Variants in CSTF3 observed in about 807,000 individuals in gnomAD.
CSTF3 encodes CF-1 77 kDa subunit.
Under a neutral mutation model 105.8 loss-of-function variants are expected in CSTF3, and 29 were observed. The observed-to-expected ratio is 0.27, with a 90% CI of 0.20 to 0.37. The LOEUF (loss-of-function observed/expected upper bound fraction) is 0.37, where lower values mean the gene tolerates loss of function less well. Among genes scored for constraint, CSTF3 ranks in the 10% least tolerant of loss-of-function variants. The pLI is 1.00. For synonymous variants in CSTF3, 252 were observed against 281.9 expected (o/e 0.89, Z 1.06); for missense variants, 357 against 879.3 (o/e 0.41, Z 7.51).
chr11:33,135,702 T>C (rs969752047), intron 3 of CSTF3, among the ~76,000 whole-genome samples: 4 of 152,162 alleles, frequency 2.6e-5, no homozygotes, highest in East Asian at 3.8e-4. Context: ...ACAGTAGTCA[T>C]AGTCTGGTGA....
At chr11:33,133,174 A>G (rs920934233) in intron 3 of CSTF3, among the ~76,000 whole-genome samples, 3 of 152,216 alleles carry the variant, frequency 2.0e-5, no homozygotes, top group African/African-American at 7.2e-5. Context: ...GTTTTCAAAC[A>G]CAATAAAGTT....
intron 17 of CSTF3, among the ~76,000 whole-genome samples, chr11:33,089,563 C>T (rs369718374): frequency 2.2e-4 from 33 of 152,274 alleles, no homozygotes; most frequent in African/African-American, 7.7e-4. Context: ...GTAGTTAAAA[C>T]TAGAAGCAGA....
chr11:33,097,307 T>C (rs1855232201), intron 13 of CSTF3, among the ~76,000 whole-genome samples: 2 of 152,166 alleles, frequency 1.3e-5, no homozygotes, highest in Non-Finnish European at 1.5e-5. Context: ...TAGAACATAC[T>C]CCATTAATGA....
chr11:33,136,071 T>A (rs889127411), intron 3 of CSTF3: 3 of 152,454 alleles, frequency 2.0e-5, no homozygotes, highest in African/African-American at 7.2e-5. Flanking sequence ...AAATAGAAAA[T>A]TTTTCTTTGG....
intron 5 of CSTF3, among the ~76,000 whole-genome samples, chr11:33,106,592 T>C (rs1359835026): frequency 1.3e-5 from 2 of 152,028 alleles, no homozygotes; most frequent in East Asian, 1.9e-4. Context: ...AATGTATATA[T>C]AACTAAAATG....
chr11:33,135,838 A>G (rs1486709437), intron 3 of CSTF3, among the ~76,000 whole-genome samples: 4 of 152,148 alleles, frequency 2.6e-5, no homozygotes, highest in Non-Finnish European at 5.9e-5. Flanking sequence ...TCAACAGTAC[A>G]TGCTAGAGCT....
chr11:33,161,174 C>T, intron 1 of CSTF3, 125 bp downstream of exon 1: 2 of 986,632 alleles, frequency 2.0e-6, no homozygotes, highest in Non-Finnish European at 3.1e-6. Context: ...CACCACTCTT[C>T]TATATACCCT....
At chr11:33,121,221 T>C (rs953275219) in intron 3 of CSTF3, among the ~76,000 whole-genome samples, 2 of 152,062 alleles carry the variant, frequency 1.3e-5, no homozygotes, top group Non-Finnish European at 2.9e-5. Flanking sequence ...CAGGTAAATA[T>C]TAAGTTCCAG....
intron 3 of CSTF3, among the ~76,000 whole-genome samples, chr11:33,120,424 A>C (rs111737230): frequency 1.3e-5 from 2 of 151,852 alleles, no homozygotes; most frequent in African/African-American, 4.8e-5. Flanking sequence ...CTTTTAAATA[A>C]GAAAAATGTT....
chr11:33,087,512 A>G (rs1855118084), intron 17 of CSTF3, among the ~76,000 whole-genome samples: 1 of 152,262 alleles, frequency 6.6e-6, no homozygotes, highest in Non-Finnish European at 1.5e-5. Flanking sequence ...CCCTTCCATT[A>G]GAATTGAACA....
chr11:33,154,991 A>G (rs1849842808), intron 1 of CSTF3, among the ~76,000 whole-genome samples: 1 of 152,118 alleles, frequency 6.6e-6, no homozygotes, highest in Admixed American at 6.6e-5. Context: ...ATCCTACAAT[A>G]CAAAACTAAT....
intron 15 of CSTF3, among the ~76,000 whole-genome samples, chr11:33,095,683 A>T (rs963425657): frequency 4.6e-5 from 7 of 151,186 alleles, no homozygotes; most frequent in Non-Finnish European, 1.0e-4. Flanking sequence ...TAGCCGGGCG[A>T]GGTGGCGGGC....
At chr11:33,116,680 T>G (rs889885636) in intron 3 of CSTF3, among the ~76,000 whole-genome samples, 3 of 152,132 alleles carry the variant, frequency 2.0e-5, no homozygotes, top group African/African-American at 7.2e-5. Context: ...GCCACTGAGG[T>G]TTTCCTGGCA....
chr11:33,103,483 GA>G (rs199637917), intron 8 of CSTF3, among the ~76,000 whole-genome samples: 29 of 150,622 alleles, frequency 1.9e-4, no homozygotes, highest in African/African-American at 2.2e-4. Context: ...AGATTCTACT[GA>G]AAAAAAAATG....
chr11:33,096,412 CAAGTA>C lies in CSTF3; in HGVS notation c.1273-9_1273-5del. 1.3e-6 allele frequency: 2 copies of C among 1,563,178 alleles called. No individual in the cohort carries two copies. Among genetic ancestry groups the C allele is most frequent in the South Asian group, 1.2e-5 (1 of 84,324 alleles). On this transcript the variant is annotated splice_region_variant and splice_polypyrimidine_tract_variant and intron_variant, in intron 14 of 20. Coordinates refer to ENST00000323959, the MANE Select transcript of CSTF3 (RefSeq NM_001326.3). The stretch of plus-strand genomic sequence containing the variant: ...TCTTAAAGGCAACAGATTTGTCCTA[CAAGTA>C]AAGAAAGTAAAGTACAGATTTCCAT...
chr11:33,155,021 A>T (rs948706972), intron 1 of CSTF3, among the ~76,000 whole-genome samples: 1 of 152,026 alleles, frequency 6.6e-6, no homozygotes, highest in African/African-American at 2.4e-5. Flanking sequence ...TCATCCATAG[A>T]TTAAAAATCT....
At chr11:33,086,925 G>A (rs188516462) in intron 18 of CSTF3, 63 bp downstream of exon 18, 42 of 1,588,330 alleles carry the variant, frequency 2.6e-5, no homozygotes, top group African/African-American at 2.0e-4. Context: ...TTACCCCCAC[G>A]CTTTGGATTT....
At chr11:33,154,794 G>A (rs529867495) in intron 1 of CSTF3, among the ~76,000 whole-genome samples, 2 of 151,890 alleles carry the variant, frequency 1.3e-5, no homozygotes, top group African/African-American at 2.4e-5. Flanking sequence ...CCACGGTGCC[G>A]TGCTGAGACT....
intron 3 of CSTF3, among the ~76,000 whole-genome samples, chr11:33,128,374 G>C (rs1340897850): frequency 6.6e-6 from 1 of 151,676 alleles, no homozygotes; most frequent in Non-Finnish European, 1.5e-5. Flanking sequence ...AACCAAAAGA[G>C]AATTTATAAA....
Sources: gnomAD v4.1 joint callset for allele counts (sites outside exome capture counted in the v4.1 genomes callset) on GRCh38, gnomAD v4.1.1 for gene constraint, MANE v1.5 for transcripts, NCBI Gene and HGNC (gene_info 2026-07-23, HGNC 2026-07-21) for gene names.